FOCAD: variants seen among roughly 807,000 people sequenced by gnomAD.
FOCAD encodes focadhesin.
A neutral mutation model predicts 225.6 loss-of-function variants in FOCAD; 198 were observed. That is an observed-to-expected ratio of 0.88 (90% CI 0.78 to 0.99). FOCAD has a LOEUF of 0.99. Among genes scored for constraint, FOCAD ranks in the 50% least tolerant of loss-of-function variants. The pLI is 0.00. For missense variants in FOCAD, 2,713 were observed against 2,123.6 expected (o/e 1.28, Z -5.46); for synonymous variants, 897 against 755.0 (o/e 1.19, Z -3.08).
At chr9:20,858,138 A>C (rs144325693) in intron 15 of FOCAD, among the ~76,000 whole-genome samples, 49 of 151,944 alleles carry the variant, frequency 3.2e-4, no homozygotes, top group Non-Finnish European at 8.8e-5. Flanking sequence ...CTCCTCTTCT[A>C]TTTTTTGGAA....
intron 1 of FOCAD, among the ~76,000 whole-genome samples, chr9:20,707,987 A>G (rs1824531163): frequency 6.6e-6 from 1 of 152,184 alleles, no homozygotes; most frequent in South Asian, 2.1e-4. Context: ...ATGAGAAGCT[A>G]AGCAGCAGAA....
chr9:20,784,902 CTA>C (rs1331267963), intron 10 of FOCAD, among the ~76,000 whole-genome samples: 1 of 151,626 alleles, frequency 6.6e-6, no homozygotes, highest in Non-Finnish European at 1.5e-5. Context: ...CTTACAATAA[CTA>C]TGAAATAGAT....
At chr9:20,972,321 A>G (rs1839836534) in intron 35 of FOCAD, among the ~76,000 whole-genome samples, 1 of 152,098 alleles carries the variant, frequency 6.6e-6, no homozygotes, top group Non-Finnish European at 1.5e-5. Flanking sequence ...TTTTTATAGC[A>G]ACAAATAGGT....
chr9:20,825,146 CGTGTGTGT>C (rs10562859), intron 15 of FOCAD, among the ~76,000 whole-genome samples: 67 of 139,078 alleles, frequency 4.8e-4, no homozygotes, highest in African/African-American at 1.1e-3. Flanking sequence ...TCAAGCTTTG[CGTGTGTGT>C]GTGTGTGTGT....
intron 11 of FOCAD, among the ~76,000 whole-genome samples, chr9:20,797,807 C>T (rs1331911445): frequency 6.6e-6 from 1 of 152,170 alleles, no homozygotes; most frequent in Non-Finnish European, 1.5e-5. Context: ...GACCATTTGA[C>T]TTCCTCTTTT....
At chr9:20,826,139 G>A (rs1232399086) in intron 15 of FOCAD, among the ~76,000 whole-genome samples, 1 of 152,086 alleles carries the variant, frequency 6.6e-6, no homozygotes, top group Non-Finnish European at 1.5e-5. Flanking sequence ...ATTGAAGGAT[G>A]CAGAGTATTG....
intron 9 of FOCAD, among the ~76,000 whole-genome samples, chr9:20,781,508 C>A (rs1302071537): frequency 1.3e-5 from 2 of 152,082 alleles, no homozygotes; most frequent in African/African-American, 4.8e-5. Flanking sequence ...AGAGTATCAT[C>A]AATTTTTCAG....
At chr9:20,805,788 T>G (rs2131317522) in intron 11 of FOCAD, among the ~76,000 whole-genome samples, 1 of 152,306 alleles carries the variant, frequency 6.6e-6, no homozygotes, top group East Asian at 1.9e-4. Flanking sequence ...GGGGATACGT[T>G]GTCAGAAAGA....
intron 37 of FOCAD, among the ~76,000 whole-genome samples, chr9:20,980,596 C>T (rs919398670): frequency 1.3e-5 from 2 of 152,212 alleles, no homozygotes; most frequent in East Asian, 3.8e-4. Context: ...CATGCAACTA[C>T]ACTGATCTTT....
intron 1 of FOCAD, among the ~76,000 whole-genome samples, chr9:20,696,875 A>T (rs575384285): frequency 5.5e-4 from 84 of 152,118 alleles, no homozygotes; most frequent in African/African-American, 2.0e-3. Flanking sequence ...TTAAGAGGTG[A>T]TTGTCATGAG....
intron 4 of FOCAD, chr9:20,726,256 C>T (rs1367440916): frequency 1.3e-5 from 2 of 152,102 alleles, no homozygotes; most frequent in Non-Finnish European, 1.5e-5. Flanking sequence ...TTCCCCTTAA[C>T]TGTGCTGGCT....
chr9:20,708,876 A>T (rs1203412121), intron 1 of FOCAD, among the ~76,000 whole-genome samples: 1 of 152,164 alleles, frequency 6.6e-6, no homozygotes, highest in Admixed American at 6.5e-5. Flanking sequence ...AAGAGTGCTC[A>T]AAGTCAAATG....
In FOCAD at chr9:20,912,852, T is replaced by C; in HGVS notation, c.2719-14T>C. ...ATCGAGTTCACATGCTGATTTATGC[T>C]GTGATTTTTGCAGGGAAGACTAGGA... On this transcript the variant is annotated splice_polypyrimidine_tract_variant and intron_variant, in intron 22 of 43. Coordinates refer to ENST00000338382, the MANE Select transcript of FOCAD (RefSeq NM_001375567.1). The C allele has an allele frequency of 1.2e-6, 2 of 1,609,460 alleles. No homozygotes were observed. Among genetic ancestry groups the C allele is most frequent in the Non-Finnish European group, 1.7e-6 (2 of 1,176,246 alleles).
intron 37 of FOCAD, among the ~76,000 whole-genome samples, chr9:20,978,924 A>T (rs1840442937): frequency 6.6e-6 from 1 of 152,142 alleles, no homozygotes; most frequent in Admixed American, 6.5e-5. Context: ...GGACCAGGGG[A>T]TGTAGGTGGG....
intron 11 of FOCAD, among the ~76,000 whole-genome samples, chr9:20,801,261 G>T (rs1821800285): frequency 6.6e-6 from 1 of 152,176 alleles, no homozygotes; most frequent in African/African-American, 2.4e-5. Flanking sequence ...ATGGGATAAA[G>T]AGGGGGTTTT....
chr9:20,909,677 A>G (rs548371005), intron 22 of FOCAD, among the ~76,000 whole-genome samples: 1 of 152,272 alleles, frequency 6.6e-6, no homozygotes, highest in East Asian at 1.9e-4. Flanking sequence ...TAAGATTTGC[A>G]GTATTATTTA....
upstream of FOCAD, among the ~76,000 whole-genome samples, chr9:20,682,733 G>T (rs1322651929): frequency 6.6e-6 from 1 of 152,138 alleles, no homozygotes; most frequent in African/African-American, 2.4e-5. Context: ...TTGAAGCAAA[G>T]GATAACAGAG....
At chr9:20,674,499 C>T (rs1370309867) in intron 2 of FOCAD, among the ~76,000 whole-genome samples, 1 of 152,058 alleles carries the variant, frequency 6.6e-6, no homozygotes, top group East Asian at 1.9e-4. Context: ...TAAAGATGTT[C>T]CAAAGGCCTA....
chr9:20,984,223 T>G (rs1371006337), intron 39 of FOCAD, among the ~76,000 whole-genome samples: 1 of 152,240 alleles, frequency 6.6e-6, no homozygotes, highest in Non-Finnish European at 1.5e-5. Context: ...GTGACCTTAA[T>G]TTAAGCAAGT....
Sources: gnomAD v4.1 joint callset for allele counts (sites outside exome capture counted in the v4.1 genomes callset) on GRCh38, gnomAD v4.1.1 for gene constraint, MANE v1.5 for transcripts, NCBI Gene and HGNC (gene_info 2026-07-23, HGNC 2026-07-21) for gene names.